Variants in RIMS2 observed in about 807,000 individuals in gnomAD.
The protein encoded by RIMS2 is regulating synaptic membrane exocytosis protein 2.
A neutral mutation model predicts 174.4 loss-of-function variants in RIMS2; 59 were observed. That is an observed-to-expected ratio of 0.34 (90% CI 0.27 to 0.42). The LOEUF (loss-of-function observed/expected upper bound fraction) is 0.42, where lower values mean the gene tolerates loss of function less well. Ranked by LOEUF, RIMS2 falls within the 10% of genes least tolerant of loss-of-function variation. The probability of loss-of-function intolerance (pLI) is 1.00; values close to 1 mark genes in which losing one functional copy is unlikely to be tolerated. For missense variants in RIMS2, 1,620 were observed against 1,666.3 expected (o/e 0.97, Z 0.48); for synonymous variants, 606 against 572.5 (o/e 1.06, Z -0.84).
chr8:104,001,834 G>A (rs900358379), intron 17 of RIMS2, among the ~76,000 whole-genome samples: 2 of 151,872 alleles, frequency 1.3e-5, no homozygotes, highest in Admixed American at 6.6e-5. Flanking sequence ...TTGTACCTTT[G>A]TATGTAATGC....
chr8:104,001,106 T>C (rs1332590794), intron 17 of RIMS2, among the ~76,000 whole-genome samples: 1 of 151,898 alleles, frequency 6.6e-6, no homozygotes, highest in Admixed American at 6.6e-5. Context: ...TGGTTGCCTG[T>C]GTTTTTGAGG....
chr8:103,610,091 C>T (rs554568542), intron 1 of RIMS2, among the ~76,000 whole-genome samples: 5 of 152,052 alleles, frequency 3.3e-5, no homozygotes, highest in African/African-American at 9.7e-5. Flanking sequence ...CATTTTGTGG[C>T]AGTTGCGAAT....
At chr8:103,786,232 C>A (rs1001409352) in intron 3 of RIMS2, among the ~76,000 whole-genome samples, 17 of 152,244 alleles carry the variant, frequency 1.1e-4, no homozygotes, top group African/African-American at 4.1e-4. Flanking sequence ...CTCCTGGATT[C>A]ATTAATTTTT....
intron 3 of RIMS2, among the ~76,000 whole-genome samples, chr8:103,799,736 T>G (rs897100736): frequency 1.3e-5 from 2 of 152,188 alleles, no homozygotes; most frequent in Non-Finnish European, 2.9e-5. Context: ...TATTAGCTAC[T>G]TGGATTGCCA....
chr8:104,011,021 T>C (rs1035211246), intron 17 of RIMS2, among the ~76,000 whole-genome samples: 1 of 152,154 alleles, frequency 6.6e-6, no homozygotes, highest in African/African-American at 2.4e-5. Flanking sequence ...TATATTCTCA[T>C]CTTAAAATTA....
intron 19 of RIMS2, among the ~76,000 whole-genome samples, chr8:104,121,861 T>C (rs2098380085): frequency 6.6e-6 from 1 of 152,174 alleles, no homozygotes; most frequent in African/African-American, 2.4e-5. Flanking sequence ...CTTGGGAGAC[T>C]GAGGCAGGAG....
At chr8:103,610,028 C>T (rs796851316) in intron 1 of RIMS2, among the ~76,000 whole-genome samples, 23 of 152,218 alleles carry the variant, frequency 1.5e-4, no homozygotes, top group African/African-American at 5.1e-4. Context: ...TTGTAATTCT[C>T]ATTGTAGAGA....
At chr8:104,248,568 T>A in intron 20 of RIMS2, 133 bp from the exon 27 acceptor site, 2 of 629,828 alleles carry the variant, frequency 3.2e-6, no homozygotes, top group Non-Finnish European at 5.8e-6. Context: ...AACTGGGTAT[T>A]TGGATCCAGT....
chr8:103,572,864 T>C (rs1342737197), intron 1 of RIMS2, among the ~76,000 whole-genome samples: 5 of 152,240 alleles, frequency 3.3e-5, no homozygotes, highest in Non-Finnish European at 5.9e-5. Context: ...CTGTTTACTC[T>C]GTTGATAGCT....
intron 19 of RIMS2, among the ~76,000 whole-genome samples, chr8:104,084,502 G>A (rs939299597): frequency 1.3e-5 from 2 of 150,218 alleles, no homozygotes; most frequent in African/African-American, 4.9e-5. Context: ...AATTTCCAAG[G>A]CAGGTTTGGT....
At chr8:103,714,829 G>A (rs1015137382) in intron 2 of RIMS2, among the ~76,000 whole-genome samples, 1 of 152,046 alleles carries the variant, frequency 6.6e-6, no homozygotes, top group African/African-American at 2.4e-5. Flanking sequence ...TGATAAGATA[G>A]TAAGGATGGC....
chr8:104,241,597 G>A (rs753949660), intron 19 of RIMS2, among the ~76,000 whole-genome samples: 5 of 151,958 alleles, frequency 3.3e-5, no homozygotes, highest in African/African-American at 7.3e-5. Flanking sequence ...TTTCTTGTAC[G>A]TATCCTCATT....
chr8:103,578,379 A>C (rs2430752), intron 1 of RIMS2, among the ~76,000 whole-genome samples: 88,886 of 151,892 alleles, frequency 0.59, 26,296 homozygotes, highest in East Asian at 0.88. Flanking sequence ...AAAATACAAA[A>C]ATTAGCTGAG....
At chr8:103,597,538 C>G (rs1372228598) in intron 1 of RIMS2, among the ~76,000 whole-genome samples, 1 of 152,092 alleles carries the variant, frequency 6.6e-6, no homozygotes, top group Non-Finnish European at 1.5e-5. Flanking sequence ...CCTCCTGCCT[C>G]TCTGCTTACT....
intron 14 of RIMS2, among the ~76,000 whole-genome samples, chr8:103,958,492 A>G (rs960687582): frequency 1.3e-5 from 2 of 152,176 alleles, no homozygotes; most frequent in Admixed American, 6.5e-5. Flanking sequence ...ATTCTGTAAA[A>G]CAAACTCTCG....
At chr8:104,057,045 T>TTTTTTC (rs1303417192) in intron 19 of RIMS2, among the ~76,000 whole-genome samples, 12 of 151,344 alleles carry the variant, frequency 7.9e-5, no homozygotes, top group South Asian at 4.2e-4. Context: ...AAGTACATCC[T>TTTTTTC]TTTTTCTTTT....
intron 2 of RIMS2, among the ~76,000 whole-genome samples, chr8:103,755,056 G>A (rs574325223): frequency 1.3e-4 from 20 of 152,282 alleles, no homozygotes; most frequent in Admixed American, 8.5e-4. Flanking sequence ...TGTTTTTGCA[G>A]TGGCTGGTAC....
intron 19 of RIMS2, among the ~76,000 whole-genome samples, chr8:104,107,971 C>G (rs374464341): frequency 1.4e-4 from 21 of 150,124 alleles, no homozygotes; most frequent in African/African-American, 3.7e-4. Flanking sequence ...TCCCCTGCCC[C>G]CCCCCCACAA....
intron 1 of RIMS2, among the ~76,000 whole-genome samples, chr8:103,665,265 T>TA (rs2096654507): frequency 6.6e-6 from 1 of 152,220 alleles, no homozygotes; most frequent in Non-Finnish European, 1.5e-5. Context: ...CCCTAGAACT[T>TA]AAAGTATAAT....
Sources: gnomAD v4.1 joint callset for allele counts (sites outside exome capture counted in the v4.1 genomes callset) on GRCh38, gnomAD v4.1.1 for gene constraint, MANE v1.5 for transcripts, NCBI Gene and HGNC (gene_info 2026-07-23, HGNC 2026-07-21) for gene names.